CMTR1: variants seen among roughly 807,000 people sequenced by gnomAD.
The protein encoded by CMTR1 is cap-specific mRNA (nucleoside-2'-O-)-methyltransferase 1.
Under a neutral mutation model 107.0 loss-of-function variants are expected in CMTR1, and 39 were observed. The observed-to-expected ratio is 0.36, with a 90% CI of 0.28 to 0.48. The LOEUF (loss-of-function observed/expected upper bound fraction) is 0.48. Ranked by LOEUF, CMTR1 falls within the 20% of genes least tolerant of loss-of-function variation. The pLI is 0.99. For synonymous variants in CMTR1, 366 were observed against 379.5 expected, an observed-to-expected ratio of 0.96 and a Z score of 0.41; for missense variants, 672 against 1,064.9, an observed-to-expected ratio of 0.63 and a Z score of 5.14.
At chr6:37,474,450 C>T in intron 17 of CMTR1, 74 bp from the exon 18 acceptor site, 2 of 1,573,570 alleles carry the variant, frequency 1.3e-6, no homozygotes, top group Non-Finnish European at 1.7e-6. Flanking sequence ...CAACTAAAAG[C>T]TCTTTTGAGA....
intron 8 of CMTR1, 54 bp downstream of exon 8, chr6:37,453,366 A>G: frequency 6.7e-7 from 1 of 1,502,590 alleles, no homozygotes; most frequent in South Asian, 1.1e-5. Flanking sequence ...CTTAAGTTTC[A>G]GTGGCTCAGC....
intron 14 of CMTR1, 70 bp downstream of exon 14, chr6:37,471,147 G>A (rs1761616092): frequency 1.4e-6 from 2 of 1,399,982 alleles, no homozygotes; most frequent in Non-Finnish European, 9.8e-7. Flanking sequence ...CCCACAAGCT[G>A]TTTGTTTTTT....
intron 16 of CMTR1, 36 bp from the exon 17 acceptor site, chr6:37,473,434 C>T: frequency 1.9e-6 from 3 of 1,600,792 alleles, no homozygotes; most frequent in African/African-American, 1.3e-5. Flanking sequence ...TCCCTTCCCC[C>T]AACCCGGCAG....
intron 14 of CMTR1, 84 bp from the exon 15 acceptor site, chr6:37,471,763 C>A: frequency 8.1e-7 from 1 of 1,235,284 alleles, no homozygotes. Context: ...TTCAGGCCTC[C>A]TCTCTATGGG....
rs753058301 is a variant in CMTR1, at chr6:37,458,180, G to A, written c.778-432G>A. 6.6e-6 allele frequency among the ~76,000 whole-genome samples: 1 copy of A among 151,916 alleles called. No homozygotes were observed. Among genetic ancestry groups the A allele is most frequent in the Non-Finnish European group, 1.5e-5 (1 of 67,976 alleles). Reference sequence around the variant, plus strand: ...AGCAATTCTCATGCCTCAGCCTCCCGAGTAGCTGGGTTTACAGGTGTGCGC... The same window carrying A: ...AGCAATTCTCATGCCTCAGCCTCCCAAGTAGCTGGGTTTACAGGTGTGCGC... On this transcript the variant is annotated intron_variant, in intron 8 of 23. Coordinates refer to ENST00000373451, the MANE Select transcript of CMTR1 (RefSeq NM_015050.3). The surrounding 1 kb of genome is among the most constrained non-coding windows in gnomAD (Gnocchi z 4.7).
At chr6:37,456,505 A>C (rs1475705471) in intron 8 of CMTR1, among the ~76,000 whole-genome samples, 3 of 152,202 alleles carry the variant, frequency 2.0e-5, no homozygotes, top group Non-Finnish European at 4.4e-5. Context: ...AGCTATCATC[A>C]GAAGAAAGGC....
At chr6:37,465,829 T>TTTG (rs56687239) in intron 13 of CMTR1, among the ~76,000 whole-genome samples, 1 of 151,212 alleles carries the variant, frequency 6.6e-6, no homozygotes, top group Admixed American at 6.6e-5. Context: ...TTTTTGTTTG[T>TTTG]TTGTTGTTGT....
rs184027168 is a variant in CMTR1, at chr6:37,436,693, A to G, written c.133+931A>G. ...TCTGTATCCAAATTTCCCTCTTCTTATAAGGACATCGGTCATTGGATAGGG... is the reference window on the plus strand; with the variant it reads ...TCTGTATCCAAATTTCCCTCTTCTTGTAAGGACATCGGTCATTGGATAGGG... On this transcript the variant is annotated intron_variant, in intron 2 of 23. Coordinates refer to ENST00000373451, the MANE Select transcript of CMTR1 (RefSeq NM_015050.3). 5.3e-5 allele frequency among the ~76,000 whole-genome samples: 8 copies of G among 152,024 alleles called. No homozygotes were observed. The East Asian group carries it at 1.5e-3, about 29-fold the overall frequency.
At chr6:37,454,553 T>C (rs935746616) in intron 8 of CMTR1, among the ~76,000 whole-genome samples, 2 of 152,264 alleles carry the variant, frequency 1.3e-5, no homozygotes, top group African/African-American at 4.8e-5. Flanking sequence ...GTGTCTTTTT[T>C]GGCTTTTGTA....
chr6:37,439,831 G>A (rs891733039), intron 2 of CMTR1, among the ~76,000 whole-genome samples: 1 of 151,712 alleles, frequency 6.6e-6, no homozygotes, highest in African/African-American at 2.4e-5. Context: ...TCTTTTTTTA[G>A]TGACAGGGTT....
intron 2 of CMTR1, 135 bp from the exon 3 acceptor site, chr6:37,443,864 T>G (rs1771725659): frequency 2.1e-6 from 2 of 943,690 alleles, no homozygotes; most frequent in South Asian, 2.1e-5. Context: ...GAAAATAGAT[T>G]TGACCTTGGG....
intron 4 of CMTR1, 92 bp downstream of exon 4, chr6:37,446,541 A>G: frequency 3.4e-6 from 5 of 1,450,838 alleles, no homozygotes; most frequent in Non-Finnish European, 4.7e-6. Context: ...AGAAATCTCC[A>G]GAGGCAGTAT....
chr6:37,446,509 T>G, intron 4 of CMTR1, 60 bp downstream of exon 4: 1 of 1,542,938 alleles, frequency 6.5e-7, no homozygotes, highest in Non-Finnish European at 8.7e-7. Context: ...TGCATGGCTT[T>G]AAGAAGCCAT....
rs1390792463 is a variant in CMTR1 at position 37,474,549 on chromosome 6, G to C, written c.1847G>C (p.Gly616Ala). The C allele has an allele frequency of 6.2e-7, 1 of 1,613,856 alleles. No homozygotes were observed. ...LGKSQIYTWDGRQSDRWIKLD... is the reference protein window; with the variant it reads ...LGKSQIYTWDARQSDRWIKLD... ...AAATCCCAGATCTACACATGGGATG[G>C]CCGCCAGTCAGACCGCTGGATCAAG... The change falls in exon 18 of 24, where the codon GGC becomes GCC. Residue 616 changes from glycine (G) to alanine (A), a missense_variant. Gly to Ala is a moderately conservative substitution (Grantham distance 60). This residue lies in a region of CMTR1 where 583 missense variants were observed against 968.4 expected (regional missense o/e 0.60). Transcript: ENST00000373451.
chr6:37,480,049 G>T lies in CMTR1; in HGVS notation c.2412G>T (p.Gly804=). ...ATGGCCGGCTCTTCTGGGAGTGGGG[G>T]GATGGCATTCGTGTGCATGACTCCC... ...CYYGRLFWEW[G]DGIRVHDSQK... The change falls in exon 24 of 24, where the codon GGG becomes GGT. Residue 804 remains glycine, a synonymous_variant. Transcript: ENST00000373451. 2 of 1,582,590 alleles carry T rather than the reference G, an allele frequency of 1.3e-6. No individual in the cohort carries two copies. The highest frequency in any genetic ancestry group is 1.7e-6 in the Non-Finnish European group (2 of 1,168,416).
At chr6:37,430,725 T>A (rs575029894), upstream of CMTR1, among the ~76,000 whole-genome samples, 4 of 152,228 alleles carry the variant, frequency 2.6e-5, no homozygotes, top group East Asian at 7.7e-4. Context: ...AAAGTAAGAA[T>A]CAAAGTGGGC....
chr6:37,428,198 A>G, the CMTR1 span, among the ~76,000 whole-genome samples: 1 of 152,236 alleles, frequency 6.6e-6, no homozygotes, highest in African/African-American at 2.4e-5. Context: ...GGAGGATTAC[A>G]TAAATGTTTT....
intron 4 of CMTR1, 82 bp downstream of exon 4, chr6:37,446,531 A>G (rs773957965): frequency 1.1e-5 from 17 of 1,479,954 alleles, no homozygotes; most frequent in Middle Eastern, 1.8e-4. Context: ...TCAACAAACT[A>G]GAAATCTCCA....
chr6:37,455,186 G>A (rs1377858326), intron 8 of CMTR1, among the ~76,000 whole-genome samples: 7 of 151,916 alleles, frequency 4.6e-5, no homozygotes, highest in African/African-American at 1.7e-4. Flanking sequence ...TCGGGTTCAC[G>A]TGATTCTCCT....
Sources: gnomAD v4.1 joint callset for allele counts (sites outside exome capture counted in the v4.1 genomes callset) on GRCh38, gnomAD v4.1.1 for gene constraint, gnomAD v4.1.1 regional missense constraint, Gnocchi (gnomAD v3.1) non-coding constraint, MANE v1.5 for transcripts, NCBI Gene and HGNC (gene_info 2026-07-23, HGNC 2026-07-21) for gene names.